MDGA2: variants seen among roughly 807,000 people sequenced by gnomAD.
MDGA2 encodes MAM domain containing glycosylphosphatidylinositol anchor 2.
Under a neutral mutation model 117.8 loss-of-function variants are expected in MDGA2, and 40 were observed. That is an observed-to-expected ratio of 0.34 (90% CI 0.26 to 0.44). MDGA2 has a LOEUF of 0.44. Ranked by LOEUF, MDGA2 falls within the 20% of genes least tolerant of loss-of-function variation. The pLI, the probability that MDGA2 is intolerant of heterozygous loss-of-function variation, is 1.00. For missense variants in MDGA2, 1,123 were observed against 1,250.6 expected (o/e 0.90, Z 1.54); for synonymous variants, 452 against 439.0 (o/e 1.03, Z -0.37).
At chr14:47,509,541 G>C (rs1594892874) in intron 1 of MDGA2, among the ~76,000 whole-genome samples, 1 of 152,116 alleles carries the variant, frequency 6.6e-6, no homozygotes, top group Non-Finnish European at 1.5e-5. Context: ...CACAGGTGTG[G>C]GACTGCAGCC....
At chr14:47,603,615 GTC>G (rs368745435) in intron 1 of MDGA2, among the ~76,000 whole-genome samples, 59 of 149,124 alleles carry the variant, frequency 4.0e-4, no homozygotes, top group Non-Finnish European at 4.5e-4. Context: ...ATCCCTCATA[GTC>G]TCTCTCTCTC....
chr14:47,288,397 CA>C (rs1251504122), intron 2 of MDGA2, among the ~76,000 whole-genome samples: 1 of 152,046 alleles, frequency 6.6e-6, no homozygotes, highest in African/African-American at 2.4e-5. Flanking sequence ...ATCGTATCAA[CA>C]CAAAAAATTC....
intron 2 of MDGA2, among the ~76,000 whole-genome samples, chr14:47,245,228 T>A (rs1887198194): frequency 6.6e-6 from 1 of 151,776 alleles, no homozygotes; most frequent in Non-Finnish European, 1.5e-5. Context: ...GGTGTCCCTG[T>A]GACGAGCCCA....
At chr14:46,856,764 A>G (rs567202114) in intron 14 of MDGA2, among the ~76,000 whole-genome samples, 2 of 151,680 alleles carry the variant, frequency 1.3e-5, no homozygotes, top group East Asian at 3.9e-4. Flanking sequence ...ATTCCTTTTT[A>G]TCAGGAACTG....
intron 10 of MDGA2, among the ~76,000 whole-genome samples, chr14:46,914,271 G>A (rs748490821): frequency 6.6e-6 from 1 of 151,990 alleles, no homozygotes; most frequent in African/African-American, 2.4e-5. Flanking sequence ...AATAATTGGA[G>A]GTTAATAGCT....
chr14:47,138,069 T>C (rs1314930350), intron 4 of MDGA2, among the ~76,000 whole-genome samples: 2 of 152,144 alleles, frequency 1.3e-5, no homozygotes, highest in Non-Finnish European at 2.9e-5. Flanking sequence ...ATAATAAAAA[T>C]ATTTTAAAAC....
intron 6 of MDGA2, among the ~76,000 whole-genome samples, chr14:47,084,768 G>C (rs1890837645): frequency 6.6e-6 from 1 of 152,116 alleles, no homozygotes; most frequent in Non-Finnish European, 1.5e-5. Flanking sequence ...TCTATTCCAT[G>C]TGAGGATATG....
chr14:47,609,428 CATATAT>C (rs3040345), intron 1 of MDGA2, among the ~76,000 whole-genome samples: 2,549 of 17,564 alleles, frequency 0.15, 370 homozygotes, highest in Non-Finnish European at 0.27. Context: ...AGTATTCCAT[CATATAT>C]ATATATATAT....
intron 7 of MDGA2, among the ~76,000 whole-genome samples, chr14:47,048,455 T>C (rs921968398): frequency 1.3e-5 from 2 of 152,092 alleles, no homozygotes; most frequent in Non-Finnish European, 2.9e-5. Context: ...ATCAAAATTT[T>C]ATTACTTCTG....
intron 9 of MDGA2, among the ~76,000 whole-genome samples, chr14:46,950,826 T>C (rs1288647969): frequency 2.0e-5 from 3 of 151,846 alleles, no homozygotes; most frequent in Non-Finnish European, 4.4e-5. Context: ...AATAAAAACA[T>C]TGCCAGAGAC....
chr14:47,592,936 T>C (rs1282087745), intron 1 of MDGA2, among the ~76,000 whole-genome samples: 2 of 152,048 alleles, frequency 1.3e-5, no homozygotes, highest in Non-Finnish European at 2.9e-5. Context: ...TAACTCTCAC[T>C]GGAGTGAACA....
At chr14:46,867,473 C>T (rs1881820415) in intron 14 of MDGA2, among the ~76,000 whole-genome samples, 1 of 151,998 alleles carries the variant, frequency 6.6e-6, no homozygotes, top group African/African-American at 2.4e-5. Context: ...AGCGCACCAG[C>T]ATGGCACATG....
chr14:47,205,804 T>G (rs1885661976), intron 3 of MDGA2, among the ~76,000 whole-genome samples: 1 of 152,122 alleles, frequency 6.6e-6, no homozygotes, highest in Non-Finnish European at 1.5e-5. Flanking sequence ...CTACAACAAT[T>G]ATCTTAACTC....
chr14:47,463,469 A>G (rs1458633685), intron 1 of MDGA2, among the ~76,000 whole-genome samples: 2 of 152,230 alleles, frequency 1.3e-5, no homozygotes, highest in African/African-American at 4.8e-5. Flanking sequence ...ACATCTTACA[A>G]CATATAAATA....
intron 3 of MDGA2, among the ~76,000 whole-genome samples, chr14:47,217,269 TAAAAATTAAA>T (rs1350659296): frequency 5.9e-5 from 9 of 152,070 alleles, no homozygotes; most frequent in African/African-American, 2.2e-4. Flanking sequence ...ATCAGAGACC[TAAAAATTAAA>T]ATGCAAATTC....
rs532048988 is a variant in MDGA2 at position 47,169,988 on chromosome 14, G to A, written c.596-25714C>T. On this transcript the variant is annotated intron_variant, in intron 3 of 16. Transcript: ENST00000399232. Reference sequence around the variant, plus strand: ...CATTCCAGTCAGGCCAAGACAATACGATGAATTACTAAGTAAATACAAAAT... The same window carrying A: ...CATTCCAGTCAGGCCAAGACAATACAATGAATTACTAAGTAAATACAAAAT... Among the ~76,000 whole-genome samples, 14 of 152,084 alleles carry A rather than the reference G, an allele frequency of 9.2e-5. No homozygotes were observed. In the South Asian group the frequency reaches 2.3e-3, roughly 25 times the overall value.
chr14:47,120,725 A>G (rs1379510038), intron 5 of MDGA2, among the ~76,000 whole-genome samples: 2 of 152,182 alleles, frequency 1.3e-5, no homozygotes, highest in African/African-American at 2.4e-5. Context: ...TGATGCTAAT[A>G]TATCTCTGAT....
chr14:47,674,936 G>A lies in MDGA2; in HGVS notation c.-140C>T, dbSNP rs1412546648. ...AGGAGCAGGGGGCGGTGATGGGAAG[G>A]GGAGCTGCGAGGCGAAGTGTTCTTC... On this transcript the variant is annotated 5_prime_UTR_variant, in exon 1 of 17. Coordinates refer to ENST00000399232, the MANE Select transcript of MDGA2 (RefSeq NM_001113498.3). The A allele has an allele frequency of 4.0e-6, 2 of 504,060 alleles. No individual in the cohort carries two copies. Among genetic ancestry groups the A allele is most frequent in the Admixed American group, 4.3e-5 (1 of 23,188 alleles). 31.2% of individuals were successfully genotyped at this position (504,060 alleles called of 1,614,324 possible).
intron 5 of MDGA2, among the ~76,000 whole-genome samples, chr14:47,099,739 T>A (rs186814397): frequency 1.4e-4 from 22 of 152,172 alleles, no homozygotes; most frequent in Admixed American, 5.2e-4. Context: ...TTGAGCAAGT[T>A]CTTTGTTTTC....
Sources: gnomAD v4.1 joint callset for allele counts (sites outside exome capture counted in the v4.1 genomes callset) on GRCh38, gnomAD v4.1.1 for gene constraint, MANE v1.5 for transcripts, NCBI Gene and HGNC (gene_info 2026-07-23, HGNC 2026-07-21) for gene names.